Variants in SIPA1L3 observed in about 807,000 individuals in gnomAD.
SIPA1L3 encodes the protein signal-induced proliferation-associated 1-like protein 3.
SIPA1L3 carries 59 observed loss-of-function variants against 150.1 expected under a neutral mutation model. That is an observed-to-expected ratio of 0.39 (90% confidence interval 0.32 to 0.49). The LOEUF is 0.49. SIPA1L3 is among the 20% of genes least tolerant of loss of function. The probability of loss-of-function intolerance (pLI) is 0.86; values close to 1 mark genes in which losing one functional copy is unlikely to be tolerated. For synonymous variants in SIPA1L3, 1,070 were observed against 1,077.6 expected, an observed-to-expected ratio of 0.99 and a Z score of 0.14; for missense variants, 2,211 against 2,489.5, an observed-to-expected ratio of 0.89 and a Z score of 2.38.
rs534499451 is a variant in SIPA1L3, at chr19:38,158,899, G to A, written c.3662-3354G>A. Reference sequence around the variant, plus strand: ...CAAGTGGAGGTGCTGCAGGGCAGCCGAGTTCAAGTGTCAAGTCAGGGGCAG... The same window carrying A: ...CAAGTGGAGGTGCTGCAGGGCAGCCAAGTTCAAGTGTCAAGTCAGGGGCAG... On this transcript the variant is annotated intron_variant, in intron 13 of 21. Transcript: ENST00000222345. Among the ~76,000 whole-genome samples the A allele has an allele frequency of 9.6e-4, 146 of 152,328 alleles. 1 individual carries two copies. The highest frequency in any genetic ancestry group is 3.3e-3 in the African/African-American group (136 of 41,570).
intron 12 of SIPA1L3, among the ~76,000 whole-genome samples, chr19:38,147,770 A>C (rs1490069760): frequency 6.6e-6 from 1 of 152,158 alleles, no homozygotes; most frequent in Admixed American, 6.6e-5. Context: ...GAGTCCTCCC[A>C]GCAACTCCTT....
intron 9 of SIPA1L3, among the ~76,000 whole-genome samples, chr19:38,129,718 C>T (rs1426927974): frequency 6.6e-6 from 1 of 152,060 alleles, no homozygotes; most frequent in Non-Finnish European, 1.5e-5. Context: ...TCTCATGCTT[C>T]CTTGTGTATT....
intron 2 of SIPA1L3, among the ~76,000 whole-genome samples, chr19:38,068,094 C>G (rs530752504): frequency 1.7e-4 from 25 of 150,636 alleles, no homozygotes; most frequent in Admixed American, 1.0e-3. Context: ...GCTATCTCGG[C>G]TCACTGCAAG....
At position 37,927,657 on chromosome 19, in the gene SIPA1L3, GT is replaced by G. The variant is rs2046516886; in HGVS notation, c.-379+20300del. ...CCCACTTAGAATAAGAACATGGGGT[GT>G]GTGTGTGTGTGTGTGTGTGTGTGTG... On this transcript the variant is annotated intron_variant, in intron 1 of 21. Coordinates refer to ENST00000222345, the MANE Select transcript of SIPA1L3 (RefSeq NM_015073.3). Among the ~76,000 whole-genome samples, 69 of 9,534 alleles carry G rather than the reference GT, an allele frequency of 7.2e-3. 1 individual carries two copies. In the East Asian group the frequency reaches 0.11, roughly 15 times the overall value. 6.3% of individuals were successfully genotyped at this position (9,534 alleles called of 152,430 possible).
intron 18 of SIPA1L3, among the ~76,000 whole-genome samples, chr19:38,194,028 G>T (rs1161050105): frequency 6.6e-6 from 1 of 152,082 alleles, no homozygotes. Flanking sequence ...CCCAAGGATT[G>T]GAGTCACCTG....
intron 1 of SIPA1L3, among the ~76,000 whole-genome samples, chr19:38,017,699 A>G (rs1347764591): frequency 1.3e-5 from 2 of 151,062 alleles, no homozygotes; most frequent in South Asian, 2.1e-4. Context: ...GATTTTTTTT[A>G]TTTTTATTTT....
chr19:38,140,679 C>A (rs1971555127), intron 10 of SIPA1L3, among the ~76,000 whole-genome samples: 1 of 152,080 alleles, frequency 6.6e-6, no homozygotes, highest in Admixed American at 6.6e-5. Context: ...CAGTCGGAGT[C>A]CCTGTGTTGG....
chr19:38,084,597 A>C (rs1600039916), intron 3 of SIPA1L3, among the ~76,000 whole-genome samples: 1 of 137,310 alleles, frequency 7.3e-6, no homozygotes, highest in African/African-American at 2.7e-5. Context: ...CTAGTACCCC[A>C]CAGCAGCTAG....
chr19:37,978,238 C>T (rs1837760380), intron 1 of SIPA1L3, among the ~76,000 whole-genome samples: 1 of 152,202 alleles, frequency 6.6e-6, no homozygotes, highest in South Asian at 2.1e-4. Context: ...TGAGCTTCCT[C>T]ACGTCACAAG....
At position 38,015,721 on chromosome 19, in the gene SIPA1L3, TAAAA is replaced by T. The variant is rs59452393; in HGVS notation, c.-378-13348_-378-13345del. ...CCTGGGTGACAGAGCAAGATCCTGT[TAAAA>T]AAAAAAAAAAAAAAAAAAAGAATGT... On this transcript the variant is annotated intron_variant, in intron 1 of 21. Coordinates refer to ENST00000222345, the MANE Select transcript of SIPA1L3 (RefSeq NM_015073.3). Among the ~76,000 whole-genome samples, 75 of 102,166 alleles carry T rather than the reference TAAAA, an allele frequency of 7.3e-4. 1 individual carries two copies. The highest frequency in any genetic ancestry group is 1.1e-3 in the Non-Finnish European group (59 of 54,546). 67.0% of individuals were successfully genotyped at this position (102,166 alleles called of 152,430 possible). A position where few individuals can be genotyped will look rare whatever the true frequency, so the allele number is the denominator to read the frequency against.
At chr19:37,966,435 G>C (rs935965726) in intron 1 of SIPA1L3, among the ~76,000 whole-genome samples, 2 of 152,184 alleles carry the variant, frequency 1.3e-5, no homozygotes, top group Non-Finnish European at 2.9e-5. Flanking sequence ...CATGGAAGCT[G>C]GAGGAATGTT....
intron 4 of SIPA1L3, among the ~76,000 whole-genome samples, chr19:38,093,745 A>C (rs568124665): frequency 6.6e-6 from 1 of 152,324 alleles, no homozygotes; most frequent in East Asian, 1.9e-4. Flanking sequence ...CGCCAAGCAG[A>C]CAGTCTCGAG....
intron 9 of SIPA1L3, among the ~76,000 whole-genome samples, chr19:38,126,261 A>G (rs1288255879): frequency 6.6e-6 from 1 of 152,162 alleles, no homozygotes; most frequent in Non-Finnish European, 1.5e-5. Context: ...GGGGGTGTGG[A>G]GGATGCCAGG....
intron 6 of SIPA1L3, chr19:38,106,295 C>T (rs990152940): frequency 8.0e-6 from 3 of 375,594 alleles, no homozygotes; most frequent in African/African-American, 4.3e-5. Context: ...TTAGTAGAGA[C>T]GGGGTTTCAC....
chr19:38,157,992 G>A (rs906133910), intron 13 of SIPA1L3, among the ~76,000 whole-genome samples: 7 of 152,240 alleles, frequency 4.6e-5, no homozygotes, highest in Non-Finnish European at 1.0e-4. Flanking sequence ...TGTAATCCCA[G>A]CACTTTCGGA....
intron 3 of SIPA1L3, among the ~76,000 whole-genome samples, chr19:38,087,064 C>G (rs142305845): frequency 4.6e-5 from 7 of 152,094 alleles, no homozygotes; most frequent in Admixed American, 1.3e-4. Flanking sequence ...ACTGACTTAG[C>G]GCAGGGTTCT....
At chr19:38,112,089 G>A (rs1483077698) in intron 8 of SIPA1L3, among the ~76,000 whole-genome samples, 1 of 146,244 alleles carries the variant, frequency 6.8e-6, no homozygotes, top group Non-Finnish European at 1.5e-5. Flanking sequence ...GTCCGCACAT[G>A]CACACACCTA....
chr19:37,970,601 G>A (rs1256706752), intron 1 of SIPA1L3, among the ~76,000 whole-genome samples: 1 of 152,182 alleles, frequency 6.6e-6, no homozygotes, highest in Non-Finnish European at 1.5e-5. Flanking sequence ...CTGTGCAGAG[G>A]GAAGAGGTCC....
At chr19:38,064,239 C>CA (rs1224733045) in intron 2 of SIPA1L3, among the ~76,000 whole-genome samples, 1 of 152,208 alleles carries the variant, frequency 6.6e-6, no homozygotes. Flanking sequence ...CACAGAGACT[C>CA]AGAGGGGCGC....
Sources: gnomAD v4.1 joint callset for allele counts (sites outside exome capture counted in the v4.1 genomes callset) on GRCh38, gnomAD v4.1.1 for gene constraint, MANE v1.5 for transcripts, NCBI Gene and HGNC (gene_info 2026-07-23, HGNC 2026-07-21) for gene names.